Variants in WASF1 observed in about 807,000 individuals in gnomAD.
WASF1 encodes actin-binding protein WASF1.
WASF1 carries 7 observed loss-of-function variants against 50.5 expected under a neutral mutation model. That is an observed-to-expected ratio of 0.14 (90% confidence interval 0.08 to 0.26). The LOEUF is 0.26. Ranked by LOEUF, WASF1 falls within the 10% of genes least tolerant of loss-of-function variation. The pLI is 1.00. For synonymous variants in WASF1, 205 were observed against 244.0 expected (o/e 0.84, Z 1.49); for missense variants, 470 against 694.7 (o/e 0.68, Z 3.64).
chr6:110,154,934 G>A (rs762108419), intron 3 of WASF1, among the ~76,000 whole-genome samples: 2 of 152,028 alleles, frequency 1.3e-5, no homozygotes, highest in African/African-American at 2.4e-5. Context: ...CTTCTGCTAA[G>A]AACATCCTAA....
intron 2 of WASF1, among the ~76,000 whole-genome samples, chr6:110,172,233 C>T (rs1362616144): frequency 1.3e-5 from 2 of 152,108 alleles, no homozygotes; most frequent in Admixed American, 6.5e-5. Context: ...CAAATGCACA[C>T]GTATGTTTAT....
At chr6:110,134,764 T>G (rs1465897123) in intron 3 of WASF1, among the ~76,000 whole-genome samples, 1 of 152,154 alleles carries the variant, frequency 6.6e-6, no homozygotes, top group African/African-American at 2.4e-5. Flanking sequence ...GTTGTTTTGG[T>G]TAGTATGCCC....
rs1773659480 is a variant in WASF1 at position 110,113,479 on chromosome 6, T to C, written c.134-19A>G. ...TATTTACCTAAGCAAAAATGACACA[T>C]ATATCATAAAATTTAACATCCAGAG... On this transcript the variant is annotated intron_variant, in intron 4 of 10. Coordinates refer to ENST00000392589, the MANE Select transcript of WASF1 (RefSeq NM_003931.3). The C allele has an allele frequency of 1.3e-6, 2 of 1,568,760 alleles. No individual in the cohort carries two copies. Among genetic ancestry groups the C allele is most frequent in the Non-Finnish European group, 1.7e-6 (2 of 1,159,530 alleles).
chr6:110,149,511 A>C (rs1360091274), intron 3 of WASF1, among the ~76,000 whole-genome samples: 1 of 151,470 alleles, frequency 6.6e-6, no homozygotes. Context: ...AAGGAAAGAA[A>C]GAAAGAAAAA....
chr6:110,126,306 C>T (rs1428097662), intron 4 of WASF1, among the ~76,000 whole-genome samples: 1 of 151,908 alleles, frequency 6.6e-6, no homozygotes, highest in Admixed American at 6.6e-5. Flanking sequence ...TTTAGTGATT[C>T]ACTAACCTGA....
intron 4 of WASF1, 26 bp from the exon 5 acceptor site, chr6:110,113,486 T>C: frequency 7.7e-6 from 12 of 1,561,700 alleles, no homozygotes; most frequent in Non-Finnish European, 1.0e-5. Context: ...ACATATATCA[T>C]AAAATTTAAC....
rs1320833828 is a variant in WASF1, at chr6:110,179,654, G to C, written c.-487C>G. 1 of 152,496 alleles carries C rather than the reference G, an allele frequency of 6.6e-6. No individual in the cohort carries two copies. The highest frequency in any genetic ancestry group is 1.5e-5 in the Non-Finnish European group (1 of 68,110). The allele number at this position is 152,496 out of a possible 1,614,324, so 9.4% of individuals were successfully genotyped here. ...CCCACCGTGTGCTCGACGCGCGAGT[G>C]AACAACACCGCGAGCTGCCGTTCCC... On this transcript the variant is annotated 5_prime_UTR_variant, in exon 1 of 11. Coordinates refer to ENST00000392589, the MANE Select transcript of WASF1 (RefSeq NM_003931.3).
chr6:110,103,619 A>G (rs1206919469), intron 8 of WASF1, 62 bp from the exon 9 acceptor site: 1 of 1,387,748 alleles, frequency 7.2e-7, no homozygotes, highest in South Asian at 1.6e-5. Context: ...AGGGTTCTAC[A>G]TGAGATATTA....
At chr6:110,153,469 A>G (rs1562184706) in intron 3 of WASF1, among the ~76,000 whole-genome samples, 1 of 152,180 alleles carries the variant, frequency 6.6e-6, no homozygotes, top group African/African-American at 2.4e-5. Flanking sequence ...TATTTAAAAG[A>G]AGCCATAGAT....
intron 3 of WASF1, among the ~76,000 whole-genome samples, chr6:110,140,839 A>G (rs1775195962): frequency 6.6e-6 from 1 of 152,178 alleles, no homozygotes; most frequent in African/African-American, 2.4e-5. Context: ...CTACTGTGAC[A>G]TAGTGTTAAG....
intron 3 of WASF1, among the ~76,000 whole-genome samples, chr6:110,133,780 G>GTC: frequency 6.6e-6 from 1 of 151,930 alleles, no homozygotes; most frequent in South Asian, 2.1e-4. Context: ...TTAATCCATT[G>GTC]TCAGATGTAC....
In WASF1 at chr6:110,101,539, G is replaced by GT. The variant is rs1773086585; in HGVS notation, c.1522+48dup. On this transcript the variant is annotated intron_variant, in intron 10 of 10. Transcript: ENST00000392589. ...CATTTTTGTCTTAAATATTTAGAAAGTTTCCAATGCTACTATAGCAATGCT... is the reference window on the plus strand; with the variant it reads ...CATTTTTGTCTTAAATATTTAGAAAGTTTTCCAATGCTACTATAGCAATGCT... The GT allele has an allele frequency of 2.0e-6, 3 of 1,531,630 alleles. No homozygotes were observed. In the African/African-American group the frequency reaches 4.2e-5, roughly 21 times the overall value. The allele number at this position is 1,531,630 out of a possible 1,614,324, so 94.9% of individuals were successfully genotyped here.
chr6:110,113,027 A>G (rs912917741), intron 5 of WASF1, among the ~76,000 whole-genome samples: 2 of 152,154 alleles, frequency 1.3e-5, no homozygotes, highest in Non-Finnish European at 2.9e-5. Context: ...AGAAATGAAA[A>G]GAGAAAGATA....
intron 4 of WASF1, among the ~76,000 whole-genome samples, chr6:110,121,712 C>T (rs1419458061): frequency 6.6e-6 from 1 of 152,140 alleles, no homozygotes; most frequent in African/African-American, 2.4e-5. Flanking sequence ...ATAAATCATG[C>T]TACTATAAAG....
At chr6:110,144,892 T>C (rs1414738426) in intron 3 of WASF1, among the ~76,000 whole-genome samples, 8 of 152,172 alleles carry the variant, frequency 5.3e-5, no homozygotes, top group Non-Finnish European at 1.0e-4. Flanking sequence ...TCAGGTAGCG[T>C]GACGCCTCCA....
Position 110,100,447 on chromosome 6 carries a change from C to A in WASF1, c.*75G>T. ...AAAAGAAAGCAAAACACTAGAATGA[C>A]CAAACATTTTCAAGGAACAAGCACC... is the stretch of plus-strand genomic sequence containing the variant. On this transcript the variant is annotated 3_prime_UTR_variant, in exon 11 of 11. Transcript: ENST00000392589. The A allele has an allele frequency of 7.2e-7, 1 of 1,389,968 alleles. No individual in the cohort carries two copies. The highest frequency in any genetic ancestry group is 9.6e-7 in the Non-Finnish European group (1 of 1,043,330). 86.1% of individuals were successfully genotyped at this position (1,389,968 alleles called of 1,614,324 possible).
chr6:110,139,076 G>A (rs1049532365), intron 3 of WASF1, among the ~76,000 whole-genome samples: 1 of 152,222 alleles, frequency 6.6e-6, no homozygotes, highest in African/African-American at 2.4e-5. Context: ...AAAGTCTGGA[G>A]GGGGTCAAGG....
At chr6:110,120,565 T>C (rs2114496305) in intron 4 of WASF1, among the ~76,000 whole-genome samples, 1 of 152,306 alleles carries the variant, frequency 6.6e-6, no homozygotes, top group Admixed American at 6.5e-5. Flanking sequence ...GAACATTCCA[T>C]GTTCATGGAT....
intron 2 of WASF1, among the ~76,000 whole-genome samples, chr6:110,175,749 C>A (rs1386260275): frequency 2.6e-5 from 4 of 152,078 alleles, no homozygotes; most frequent in African/African-American, 9.7e-5. Flanking sequence ...TGAGAAACAG[C>A]CTCCTCTTCA....
Sources: gnomAD v4.1 joint callset for allele counts (sites outside exome capture counted in the v4.1 genomes callset) on GRCh38, gnomAD v4.1.1 for gene constraint, MANE v1.5 for transcripts, NCBI Gene and HGNC (gene_info 2026-07-23, HGNC 2026-07-21) for gene names.